Variants in PKD1L1 observed in about 807,000 individuals in gnomAD.
PKD1L1 encodes polycystin 1 like 1, transient receptor potential channel interacting.
Under a neutral mutation model 323.4 loss-of-function variants are expected in PKD1L1, and 236 were observed. That is an observed-to-expected ratio of 0.73 (90% CI 0.66 to 0.81). PKD1L1 has a LOEUF of 0.81. Among genes scored for constraint, PKD1L1 ranks in the 40% least tolerant of loss-of-function variants. The pLI, the probability that PKD1L1 is intolerant of heterozygous loss-of-function variation, is 0.00. For synonymous variants in PKD1L1, 1,344 were observed against 1,335.0 expected (o/e 1.01, Z -0.15); for missense variants, 3,320 against 3,508.0 (o/e 0.95, Z 1.35).
At position 47,910,872 on chromosome 7, in the gene PKD1L1, G is replaced by C. The variant is rs1486302798; in HGVS notation, c.1229-2622C>G. ...TGTGTGTGTGTGTGTATTTTTAGTA[G>C]AGACAGGATTTCACCATGTTGGCCA... On this transcript the variant is annotated intron_variant, in intron 8 of 56. Coordinates refer to ENST00000289672, the MANE Select transcript of PKD1L1 (RefSeq NM_138295.5). Among the ~76,000 whole-genome samples the C allele has an allele frequency of 2.3e-5, 3 of 128,266 alleles. 1 individual carries two copies. In the Admixed American group the frequency reaches 2.4e-4, roughly 10 times the overall value. 84.1% of individuals were successfully genotyped at this position (128,266 alleles called of 152,430 possible). A position where few individuals can be genotyped will look rare whatever the true frequency, so the allele number is the denominator to read the frequency against.
chr7:47,887,927 A>T, intron 17 of PKD1L1, 63 bp downstream of exon 17: 1 of 1,499,580 alleles, frequency 6.7e-7, no homozygotes, highest in African/African-American at 1.4e-5. Context: ...ACATTTTAGC[A>T]ATCTCACAAT....
At chr7:47,848,793 G>A (rs1785719244) in intron 31 of PKD1L1, among the ~76,000 whole-genome samples, 2 of 152,026 alleles carry the variant, frequency 1.3e-5, no homozygotes, top group African/African-American at 2.4e-5. Context: ...CAACAAGAGT[G>A]AAACTCCAGT....
At chr7:47,889,962 A>C (rs559183231) in intron 16 of PKD1L1, among the ~76,000 whole-genome samples, 1 of 152,226 alleles carries the variant, frequency 6.6e-6, no homozygotes, top group Non-Finnish European at 1.5e-5. Context: ...CCCTTCCTGC[A>C]CTTGGCTCGG....
At chr7:47,926,700 G>A (rs1787661736) in intron 7 of PKD1L1, among the ~76,000 whole-genome samples, 1 of 152,182 alleles carries the variant, frequency 6.6e-6, no homozygotes, top group South Asian at 2.1e-4. Context: ...AATAACACTA[G>A]AGAAGATGAG....
chr7:47,935,334 C>T (rs570991311), intron 4 of PKD1L1, among the ~76,000 whole-genome samples: 1 of 152,306 alleles, frequency 6.6e-6, no homozygotes, highest in African/African-American at 2.4e-5. Flanking sequence ...GAATTTCACA[C>T]AGAGATGCTC....
rs551749599 is a variant in PKD1L1 at position 47,831,321 on chromosome 7, G to A, written c.6369C>T (p.Pro2123=). The part of the protein sequence containing the change: ...APSSGLEGLM[P]QWSRALQPWW... ...AAGGCTGAAGGGCCCTTGACCACTG[G>A]GGCATTAGTCCCTCCAAACCACTGC... Residue 2123 remains proline, a synonymous_variant, in exon 42 of 57, where the codon CCC becomes CCT. Coordinates refer to ENST00000289672, the MANE Select transcript of PKD1L1 (RefSeq NM_138295.5). 1.2e-5 allele frequency: 20 copies of A among 1,614,034 alleles called. No homozygotes were observed. In the South Asian group the frequency reaches 2.0e-4, roughly 16 times the overall value.
At position 47,888,044 on chromosome 7, in the gene PKD1L1, A is replaced by T. The variant is rs1786721624; in HGVS notation, c.2782T>A (p.Ser928Thr). Reference sequence around the variant, plus strand: ...ACTAAAAAGAGATCCCAGGAATAAGACAGATTCGGTATTTCACTGCAGTCC... The same window carrying T: ...ACTAAAAAGAGATCCCAGGAATAAGTCAGATTCGGTATTTCACTGCAGTCC... ...CEDCSEIPNL[S>T]YSWDLFLVNA... The change falls in exon 17 of 57, where the codon TCT (serine) becomes ACT (threonine). Residue 928 changes from serine (S) to threonine (T), a missense_variant. Physicochemically the swap from Ser to Thr is moderately conservative, Grantham distance 58. Coordinates refer to ENST00000289672, the MANE Select transcript of PKD1L1 (RefSeq NM_138295.5). 6.2e-7 allele frequency: 1 copy of T among 1,613,876 alleles called. No homozygotes were observed. The highest frequency in any genetic ancestry group is 1.3e-5 in the African/African-American group (1 of 74,902).
chr7:47,831,222 G>C lies in PKD1L1; in HGVS notation c.6468C>G (p.Ala2156=). The C allele has an allele frequency of 6.2e-7, 1 of 1,613,610 alleles. No individual in the cohort carries two copies. The highest frequency in any genetic ancestry group is 2.2e-5 in the East Asian group (1 of 44,884). ...TGAAAAACTCTACAGCTCACCTGTA[G>C]GCTAGAAATCCTGTCCCCAAACTGC... is the stretch of plus-strand genomic sequence containing the variant. ...LACSLGTGFL[A]YRFGQEQCVQ... Residue 2156 remains alanine (A), a synonymous_variant, in exon 42 of 57, where the codon GCC becomes GCG. Coordinates refer to ENST00000289672, the MANE Select transcript of PKD1L1 (RefSeq NM_138295.5).
chr7:47,859,627 A>ATTT lies in PKD1L1; in HGVS notation c.4150-745_4150-743dup, dbSNP rs34815905. On this transcript the variant is annotated intron_variant, in intron 26 of 56. Coordinates refer to ENST00000289672, the MANE Select transcript of PKD1L1 (RefSeq NM_138295.5). ...CCAAGTGCTGGGACTAAAGACATAC[A>ATTT]TTTTTTTTTTTTTTTTTGAGATGGA... Among the ~76,000 whole-genome samples, 162 of 123,634 alleles carry ATTT rather than the reference A, an allele frequency of 1.3e-3. 3 individuals carry two copies. Among genetic ancestry groups the ATTT allele is most frequent in the South Asian group, 4.4e-3 (16 of 3,654 alleles). 81.1% of individuals were successfully genotyped at this position (123,634 alleles called of 152,430 possible).
rs1241217467 is a variant in PKD1L1 at position 47,855,028 on chromosome 7, TCTC to T, written c.4710_4712del (p.Arg1571del). The T allele has an allele frequency of 6.2e-7, 1 of 1,612,554 alleles. No homozygotes were observed. Among genetic ancestry groups the T allele is most frequent in the South Asian group, 1.1e-5 (1 of 90,494 alleles). ...GAAGTAATACAAATGTCGTTTTATT[TCTC>T]CTATTATCCTGTCATCACAAAGAAA... On this transcript the variant is annotated inframe_deletion, in exon 30 of 57. Coordinates refer to ENST00000289672, the MANE Select transcript of PKD1L1 (RefSeq NM_138295.5).
chr7:47,955,928 G>A, the PKD1L1 span, among the ~76,000 whole-genome samples: 1 of 152,118 alleles, frequency 6.6e-6, no homozygotes, highest in Non-Finnish European at 1.5e-5. Flanking sequence ...CTTAGAAGAA[G>A]CTCTAAAAAT....
chr7:47,923,840 AT>A lies in PKD1L1; in HGVS notation c.1060+5363del, dbSNP rs61664901. Among the ~76,000 whole-genome samples the A allele has an allele frequency of 9.8e-4, 149 of 152,292 alleles. 1 individual carries two copies. Among genetic ancestry groups the A allele is most frequent in the African/African-American group, 3.5e-3 (146 of 41,558 alleles). On this transcript the variant is annotated intron_variant, in intron 7 of 56. Transcript: ENST00000289672. ...GAATTCAAGAATGAGTCAATAAGAT[AT>A]TGGCTAATAGAACACATGAGATTTG...
At chr7:47,953,547 T>C in the PKD1L1 span, among the ~76,000 whole-genome samples, 22 of 152,222 alleles carry the variant, frequency 1.4e-4, 1 homozygote, top group Admixed American at 1.4e-3. Flanking sequence ...GGAGCACCAC[T>C]GTTTCTCTTG....
chr7:47,785,853 T>G (rs963982906), intron 56 of PKD1L1, among the ~76,000 whole-genome samples: 6 of 151,666 alleles, frequency 4.0e-5, no homozygotes, highest in African/African-American at 1.2e-4. Context: ...GCAATTCTCC[T>G]GCCTCAGCCT....
At chr7:47,778,474 T>C (rs1182574018) in intron 56 of PKD1L1, among the ~76,000 whole-genome samples, 5 of 152,154 alleles carry the variant, frequency 3.3e-5, no homozygotes, top group African/African-American at 1.2e-4. Flanking sequence ...ATGGAGGAGA[T>C]AATACAGACC....
In PKD1L1 at chr7:47,855,014, A is replaced by C. The variant is rs751370946; in HGVS notation, c.4727T>G (p.Phe1576Cys). 2 of 1,613,156 alleles carry C rather than the reference A, an allele frequency of 1.2e-6. No homozygotes were observed. The highest frequency in any genetic ancestry group is 2.2e-5 in the South Asian group (2 of 90,630). The change falls in exon 30 of 57, where the codon TTT (phenylalanine) becomes TGT (cysteine). Residue 1576 changes from phenylalanine to cysteine, a missense_variant. Transcript: ENST00000289672. ...GLDNRRNKTTFVLLRDKVNLH... is the reference protein window; with the variant it reads ...GLDNRRNKTTCVLLRDKVNLH... ...ATTCACTTTATCCCGAAGTAATACA[A>C]ATGTCGTTTTATTTCTCCTATTATC...
intron 23 of PKD1L1, 104 bp downstream of exon 23, chr7:47,875,993 G>C: frequency 7.7e-7 from 1 of 1,290,780 alleles, no homozygotes; most frequent in South Asian, 1.5e-5. Context: ...ACTGATCAAG[G>C]TGATTTTATT....
At chr7:47,847,873 T>C (rs1339687721) in intron 31 of PKD1L1, among the ~76,000 whole-genome samples, 1 of 152,124 alleles carries the variant, frequency 6.6e-6, no homozygotes, top group Non-Finnish European at 1.5e-5. Flanking sequence ...AAATGGTGGA[T>C]AAATTACTAT....
At chr7:47,905,799 C>T (rs374236353) in intron 10 of PKD1L1, 44 bp downstream of exon 10, 94 of 1,607,370 alleles carry the variant, frequency 5.8e-5, no homozygotes, top group South Asian at 5.6e-5. Context: ...GCTGACTGCG[C>T]GAGGGAGGTT....
Sources: gnomAD v4.1 joint callset for allele counts (sites outside exome capture counted in the v4.1 genomes callset) on GRCh38, gnomAD v4.1.1 for gene constraint, MANE v1.5 for transcripts, NCBI Gene and HGNC (gene_info 2026-07-23, HGNC 2026-07-21) for gene names.